The following HAS2 variants were observed in gnomAD, a reference collection of about 807,000 sequenced individuals.
HAS2 encodes the protein HA synthase 2.
In HAS2, 16 loss-of-function variants were observed where a neutral mutation model predicts 51.6. The observed-to-expected ratio is 0.31, with a 90% CI of 0.21 to 0.47. The LOEUF is 0.47. HAS2 is among the 20% of genes least tolerant of loss of function. HAS2 has a pLI of 1.00. For synonymous variants in HAS2, 228 were observed against 235.5 expected (o/e 0.97, Z 0.29); for missense variants, 361 against 662.6 (o/e 0.54, Z 5.00).
At chr8:121,626,052 G>A (rs1381765928) in intron 2 of HAS2, among the ~76,000 whole-genome samples, 1 of 152,062 alleles carries the variant, frequency 6.6e-6, no homozygotes, top group African/African-American at 2.4e-5. Context: ...AGTTAGAGCT[G>A]GTAGCTGTTA....
chr8:121,623,218 A>T (rs1333710884), intron 2 of HAS2, among the ~76,000 whole-genome samples: 1 of 152,122 alleles, frequency 6.6e-6, no homozygotes, highest in African/African-American at 2.4e-5. Context: ...CAGACAGCCA[A>T]TCTCTTCCAA....
At chr8:121,631,771 C>A (rs899050250) in intron 1 of HAS2, among the ~76,000 whole-genome samples, 11 of 152,224 alleles carry the variant, frequency 7.2e-5, no homozygotes, top group Non-Finnish European at 1.0e-4. Flanking sequence ...TGGAACTTGT[C>A]ATTTCCAAGA....
chr8:121,630,724 A>T (rs1256943890), intron 1 of HAS2, among the ~76,000 whole-genome samples: 1 of 152,172 alleles, frequency 6.6e-6, no homozygotes, highest in East Asian at 1.9e-4. Context: ...TTACCTTTGC[A>T]AAATCTTTTG....
Position 121,614,038 on chromosome 8 carries a change from G to T in HAS2, c.*71C>A, listed in dbSNP as rs191314762. 3.9e-5 allele frequency: 63 copies of T among 1,609,418 alleles called. 1 individual carries two copies. The Admixed American group carries it at 9.5e-4, about 24-fold the overall frequency. ...GTCTCCTTTGGTGGCATTATCTGAT[G>T]CCACAATACTGTACAGCCCCTAGAG... On this transcript the variant is annotated 3_prime_UTR_variant, in exon 4 of 4. Transcript: ENST00000303924. The surrounding 1 kb of genome is among the most constrained non-coding windows in gnomAD (Gnocchi z 7.2).
At chr8:121,637,555 T>A (rs1350309665) in intron 1 of HAS2, among the ~76,000 whole-genome samples, 3 of 152,124 alleles carry the variant, frequency 2.0e-5, no homozygotes, top group Non-Finnish European at 4.4e-5. Context: ...CACACCTGGC[T>A]AATTTTTGTA....
At chr8:121,618,100 T>C (rs1586502873) in intron 2 of HAS2, among the ~76,000 whole-genome samples, 1 of 152,206 alleles carries the variant, frequency 6.6e-6, no homozygotes, top group Non-Finnish European at 1.5e-5. Context: ...GATATTTCTA[T>C]TGGAGTCTCA....
rs2130442354 is a variant in HAS2, at chr8:121,625,819, C to T, written c.627+2895G>A. ...TACAGGCGTCAGCCACCACACTGGC[C>T]CTCTTTAACTTCTTTTCTCAATTTA... On this transcript the variant is annotated intron_variant, in intron 2 of 3. Transcript: ENST00000303924. Among the ~76,000 whole-genome samples, 3 of 151,900 alleles carry T rather than the reference C, an allele frequency of 2.0e-5. No individual in the cohort carries two copies. The South Asian group carries it at 6.2e-4, about 32-fold the overall frequency.
intron 2 of HAS2, among the ~76,000 whole-genome samples, chr8:121,625,382 C>G (rs1187250688): frequency 6.6e-6 from 1 of 151,968 alleles, no homozygotes; most frequent in African/African-American, 2.4e-5. Flanking sequence ...GAGGTACAAA[C>G]TTTTGTCCAA....
intron 1 of HAS2, among the ~76,000 whole-genome samples, chr8:121,633,266 C>G (rs552883454): frequency 5.8e-4 from 88 of 151,434 alleles, no homozygotes; most frequent in African/African-American, 2.1e-3. Context: ...CTGCCTCAGT[C>G]TCCCGAGTAG....
At chr8:121,621,066 C>A (rs1178521292) in intron 2 of HAS2, among the ~76,000 whole-genome samples, 1 of 152,124 alleles carries the variant, frequency 6.6e-6, no homozygotes, top group Non-Finnish European at 1.5e-5. Flanking sequence ...CAACAGAGAC[C>A]ATATAGCCTG....
At chr8:121,627,148 T>C (rs751617374) in intron 2 of HAS2, among the ~76,000 whole-genome samples, 1 of 152,212 alleles carries the variant, frequency 6.6e-6, no homozygotes, top group Non-Finnish European at 1.5e-5. Flanking sequence ...ATGTAGCAAT[T>C]GTTTTAACTA....
chr8:121,638,116 T>C (rs1179592950), intron 1 of HAS2, among the ~76,000 whole-genome samples: 1 of 152,216 alleles, frequency 6.6e-6, no homozygotes, highest in East Asian at 1.9e-4. Context: ...GACAAGTAAG[T>C]GTTTAAAAAT....
intron 1 of HAS2, among the ~76,000 whole-genome samples, chr8:121,636,959 T>G (rs1273698748): frequency 6.6e-6 from 1 of 152,200 alleles, no homozygotes; most frequent in Non-Finnish European, 1.5e-5. Flanking sequence ...TGGATTAAAT[T>G]CCATCCACAC....
intron 2 of HAS2, among the ~76,000 whole-genome samples, chr8:121,621,329 A>G (rs1053778740): frequency 2.0e-5 from 3 of 152,200 alleles, no homozygotes; most frequent in Non-Finnish European, 4.4e-5. Flanking sequence ...GCCTATTACA[A>G]GAGCAAGTAC....
chr8:121,637,627 G>A (rs1322377764), intron 1 of HAS2, among the ~76,000 whole-genome samples: 1 of 152,148 alleles, frequency 6.6e-6, no homozygotes, highest in Non-Finnish European at 1.5e-5. Context: ...CTGACCTCAG[G>A]TGATCTGCCC....
In HAS2 at chr8:121,629,029, T is replaced by C. The variant is rs1231287565; in HGVS notation, c.312A>G (p.Gln104=). 1.2e-6 allele frequency: 2 copies of C among 1,613,972 alleles called. No individual in the cohort carries two copies. Among genetic ancestry groups the C allele is most frequent in the African/African-American group, 1.3e-5 (1 of 74,914 alleles). ...CAGGGTAGGTTAGCCTTTTCACAGA[T>C]TGCAAACATTTCCTTAAGTAGTCTG... ...EDPDYLRKCL[Q]SVKRLTYPGI... The change falls in exon 2 of 4, where the codon CAA becomes CAG. Residue 104 remains glutamine (Q), a synonymous_variant. Transcript: ENST00000303924.
At chr8:121,629,711 C>G (rs1186290728) in intron 1 of HAS2, among the ~76,000 whole-genome samples, 1 of 152,184 alleles carries the variant, frequency 6.6e-6, no homozygotes, top group African/African-American at 2.4e-5. Context: ...AAGTTTCTAA[C>G]ACCCAAAGAA....
chr8:121,617,068 C>A (rs1333272841), intron 3 of HAS2, 37 bp downstream of exon 3: 1 of 1,119,754 alleles, frequency 8.9e-7, no homozygotes, highest in South Asian at 1.3e-5. Flanking sequence ...AAAAGTATTT[C>A]ATGCAAAACA....
At chr8:121,639,618 G>T (rs1022801064) in intron 1 of HAS2, 2 of 152,810 alleles carry the variant, frequency 1.3e-5, no homozygotes, top group South Asian at 4.1e-4. Flanking sequence ...TGCTCCCAGC[G>T]CCTCTTTGCA....
Sources: gnomAD v4.1 joint callset for allele counts (sites outside exome capture counted in the v4.1 genomes callset) on GRCh38, gnomAD v4.1.1 for gene constraint, Gnocchi (gnomAD v3.1) non-coding constraint, MANE v1.5 for transcripts, NCBI Gene and HGNC (gene_info 2026-07-23, HGNC 2026-07-21) for gene names.